The following TRPC3 variants were observed in gnomAD, a reference collection of about 807,000 sequenced individuals.
TRPC3 encodes short transient receptor potential channel 3.
A neutral mutation model predicts 90.9 loss-of-function variants in TRPC3; 54 were observed. That is an observed-to-expected ratio of 0.59 (90% CI 0.48 to 0.75). TRPC3 has a LOEUF of 0.75. TRPC3 is among the 30% of genes least tolerant of loss of function. TRPC3 has a pLI of 0.00. For synonymous variants in TRPC3, 424 were observed against 450.9 expected, an observed-to-expected ratio of 0.94 and a Z score of 0.75; for missense variants, 918 against 1,194.5, an observed-to-expected ratio of 0.77 and a Z score of 3.41.
At chr4:121,925,511 G>A (rs1194712900) in intron 2 of TRPC3, among the ~76,000 whole-genome samples, 1 of 152,174 alleles carries the variant, frequency 6.6e-6, no homozygotes, top group East Asian at 1.9e-4. Flanking sequence ...GGCTACCAGA[G>A]GCAGGGGGCG....
chr4:121,898,613 GAC>G (rs1203719914), intron 10 of TRPC3, among the ~76,000 whole-genome samples: 3 of 152,150 alleles, frequency 2.0e-5, no homozygotes, highest in Non-Finnish European at 1.5e-5. Flanking sequence ...ACTATAGCAT[GAC>G]CATAGTTAAC....
At chr4:121,933,803 G>A (rs1317484862) in intron 1 of TRPC3, among the ~76,000 whole-genome samples, 4 of 151,980 alleles carry the variant, frequency 2.6e-5, no homozygotes, top group Non-Finnish European at 4.4e-5. Context: ...TTCTCTTAAG[G>A]GGATTCACCC....
chr4:121,888,791 C>T (rs768651454), intron 10 of TRPC3, among the ~76,000 whole-genome samples: 3 of 152,196 alleles, frequency 2.0e-5, no homozygotes, highest in Non-Finnish European at 4.4e-5. Flanking sequence ...GTTATTATTA[C>T]TCATTGTTAT....
intron 1 of TRPC3, among the ~76,000 whole-genome samples, chr4:121,941,296 G>T (rs1227339416): frequency 2.6e-5 from 4 of 152,160 alleles, no homozygotes; most frequent in Non-Finnish European, 5.9e-5. Context: ...AACCCATGTA[G>T]CAAGCAAGCA....
At chr4:121,882,569 C>T (rs987244856) in intron 10 of TRPC3, 140 bp from the exon 11 acceptor site, 19 of 588,204 alleles carry the variant, frequency 3.2e-5, no homozygotes, top group Middle Eastern at 4.5e-4. Flanking sequence ...AGAAAAATTA[C>T]GCAGGTTTCA....
intron 5 of TRPC3, among the ~76,000 whole-genome samples, chr4:121,911,523 T>C (rs1460012253): frequency 3.9e-5 from 6 of 152,194 alleles, no homozygotes; most frequent in Non-Finnish European, 2.9e-5. Flanking sequence ...AAGAAAGTAT[T>C]TGTCATCAGT....
chr4:121,946,743 C>T (rs899286445), intron 1 of TRPC3, among the ~76,000 whole-genome samples: 4 of 152,204 alleles, frequency 2.6e-5, no homozygotes, highest in Middle Eastern at 3.4e-3. Flanking sequence ...TGCTGTTGTT[C>T]GTAGACGTCT....
At chr4:121,927,683 A>C (rs1378870788) in intron 2 of TRPC3, among the ~76,000 whole-genome samples, 1 of 152,226 alleles carries the variant, frequency 6.6e-6, no homozygotes, top group Non-Finnish European at 1.5e-5. Context: ...TAAAGGCTAC[A>C]CAGATTAGAA....
intron 3 of TRPC3, among the ~76,000 whole-genome samples, chr4:121,918,894 C>T (rs190802453): frequency 7.9e-5 from 12 of 152,274 alleles, no homozygotes; most frequent in Admixed American, 2.0e-4. Flanking sequence ...TCAATGACTT[C>T]GAAATAGGGC....
chr4:121,903,190 C>T (rs1179529242), intron 8 of TRPC3, 129 bp from the exon 9 acceptor site: 1 of 728,316 alleles, frequency 1.4e-6, no homozygotes, highest in East Asian at 2.7e-5. Context: ...CATTTATCTA[C>T]ATATATTCTA....
At chr4:121,895,097 T>G (rs1381821780) in intron 10 of TRPC3, among the ~76,000 whole-genome samples, 1 of 152,044 alleles carries the variant, frequency 6.6e-6, no homozygotes, top group Non-Finnish European at 1.5e-5. Flanking sequence ...GAATGAAATT[T>G]TAATATTCCT....
chr4:121,936,697 G>A (rs1269452935), intron 1 of TRPC3, among the ~76,000 whole-genome samples: 1 of 152,100 alleles, frequency 6.6e-6, no homozygotes, highest in African/African-American at 2.4e-5. Context: ...TAGGACAAGA[G>A]GGCTTGCTCC....
At chr4:121,910,494 A>G in intron 5 of TRPC3, 107 bp from the exon 6 acceptor site, 1 of 815,798 alleles carries the variant, frequency 1.2e-6, no homozygotes, top group South Asian at 1.6e-5. Flanking sequence ...CGTCAAGCAC[A>G]GTACTAGGCA....
Position 121,874,593 on chromosome 4 carries a change from T to C in TRPC3, c.*5143A>G, listed in dbSNP as rs1727717587. Among the ~76,000 whole-genome samples, 1 of 152,246 alleles carries C rather than the reference T, an allele frequency of 6.6e-6. No individual in the cohort carries two copies. Among genetic ancestry groups the C allele is most frequent in the Non-Finnish European group, 1.5e-5 (1 of 68,034 alleles). ...TTCAGAGGCCTCTCTTCTTGGCTTA[T>C]AGATCGTCATCTTCTCCGTGTCTTC... On this transcript the variant is annotated 3_prime_UTR_variant, in exon 12 of 12. Transcript: ENST00000379645.
At chr4:121,891,358 T>A (rs564942877) in intron 10 of TRPC3, among the ~76,000 whole-genome samples, 1 of 152,178 alleles carries the variant, frequency 6.6e-6, no homozygotes, top group East Asian at 1.9e-4. Flanking sequence ...AAGACAAAGT[T>A]AAGCTAAGAA....
At chr4:121,909,793 C>T (rs1199561138) in intron 6 of TRPC3, among the ~76,000 whole-genome samples, 1 of 152,126 alleles carries the variant, frequency 6.6e-6, no homozygotes, top group African/African-American at 2.4e-5. Flanking sequence ...CTCTCAGGGA[C>T]TTACCTTCCA....
At chr4:121,922,105 G>A (rs1235127530) in intron 3 of TRPC3, among the ~76,000 whole-genome samples, 1 of 151,662 alleles carries the variant, frequency 6.6e-6, no homozygotes, top group Non-Finnish European at 1.5e-5. Context: ...ATGTTTTTTA[G>A]TAGAGACAGG....
chr4:121,939,653 T>C (rs1730238939), intron 1 of TRPC3, among the ~76,000 whole-genome samples: 1 of 152,258 alleles, frequency 6.6e-6, no homozygotes, highest in African/African-American at 2.4e-5. Flanking sequence ...GAGAGCCAGG[T>C]AGCCTGCACT....
At chr4:121,897,453 CAAAAAAAAAAAAAAAAAAA>C (rs70950860) in intron 10 of TRPC3, among the ~76,000 whole-genome samples, 25 of 43,432 alleles carry the variant, frequency 5.8e-4, no homozygotes, top group African/African-American at 1.6e-3. Context: ...ATCTCAACAG[CAAAAAAAAAAAAAAAAAAA>C]AAAAAAAAAA....
Sources: allele counts gnomAD v4.1 joint callset (sites outside exome capture counted in the v4.1 genomes callset), GRCh38; gene constraint gnomAD v4.1.1; transcripts MANE v1.5; gene names NCBI Gene and HGNC (gene_info 2026-07-23, HGNC 2026-07-21).